The following RAD51B variants were observed in gnomAD, a reference collection of about 807,000 sequenced individuals.
RAD51B encodes the protein RAD51 paralog B.
RAD51B carries 38 observed loss-of-function variants against 42.2 expected under a neutral mutation model. That is an observed-to-expected ratio of 0.90 (90% CI 0.70 to 1.18). RAD51B has a LOEUF of 1.18. Ranked by LOEUF, RAD51B falls within the 50% of genes most tolerant of loss-of-function variation. RAD51B has a pLI of 0.00. For missense variants in RAD51B, 373 were observed against 400.7 expected (o/e 0.93, Z 0.59); for synonymous variants, 154 against 145.2 (o/e 1.06, Z -0.43).
intron 5 of RAD51B, among the ~76,000 whole-genome samples, chr14:67,874,345 G>A (rs541169172): frequency 2.6e-5 from 4 of 152,148 alleles, no homozygotes; most frequent in Admixed American, 1.3e-4. Flanking sequence ...CCCGTGGGCC[G>A]CATACAGCCC....
At chr14:68,458,011 G>C (rs971221693) in intron 9 of RAD51B, among the ~76,000 whole-genome samples, 9 of 150,216 alleles carry the variant, frequency 6.0e-5, no homozygotes, top group African/African-American at 2.2e-4. Flanking sequence ...TATTAAGCTT[G>C]TAGTTAACTA....
intron 10 of RAD51B, among the ~76,000 whole-genome samples, chr14:68,553,447 A>G (rs188430706): frequency 1.3e-5 from 2 of 152,292 alleles, no homozygotes; most frequent in Non-Finnish European, 2.9e-5. Flanking sequence ...GAAGAAGTTC[A>G]TATTTTTGAG....
intron 7 of RAD51B, among the ~76,000 whole-genome samples, chr14:68,134,943 TTA>T (rs1271766700): frequency 1.3e-5 from 2 of 152,202 alleles, no homozygotes; most frequent in Non-Finnish European, 2.9e-5. Flanking sequence ...GAAGATGATT[TTA>T]TGTTATTTTT....
chr14:68,331,090 G>A (rs1179346777), intron 8 of RAD51B, among the ~76,000 whole-genome samples: 5 of 152,048 alleles, frequency 3.3e-5, no homozygotes, highest in African/African-American at 4.8e-5. Context: ...CTGGCCGGGC[G>A]CGGTGGCTCA....
At chr14:68,662,140 C>T (rs561276477) in intron 11 of RAD51B, among the ~76,000 whole-genome samples, 12 of 152,342 alleles carry the variant, frequency 7.9e-5, no homozygotes, top group South Asian at 2.1e-4. Context: ...AGAAATACCT[C>T]CCTCATCTTC....
chr14:68,629,647 A>G (rs1892179484), intron 10 of RAD51B, among the ~76,000 whole-genome samples: 1 of 152,200 alleles, frequency 6.6e-6, no homozygotes, highest in Admixed American at 6.5e-5. Context: ...AAATAGCTTT[A>G]TCGTTTTGTG....
At chr14:68,530,377 G>A (rs919711680) in intron 10 of RAD51B, among the ~76,000 whole-genome samples, 6 of 140,260 alleles carry the variant, frequency 4.3e-5, no homozygotes, top group Non-Finnish European at 9.0e-5. Flanking sequence ...AGCCCAGAAG[G>A]TCAAGGCTAC....
intron 7 of RAD51B, among the ~76,000 whole-genome samples, chr14:67,995,640 G>C (rs534077072): frequency 6.7e-5 from 10 of 149,332 alleles, no homozygotes; most frequent in African/African-American, 2.2e-4. Context: ...TTGAGACGGA[G>C]TCTCTCTCTG....
intron 4 of RAD51B, among the ~76,000 whole-genome samples, chr14:67,846,184 C>T (rs532441192): frequency 1.1e-4 from 16 of 152,198 alleles, no homozygotes; most frequent in South Asian, 4.2e-4. Context: ...GTGGGTGCGG[C>T]GCTGCCAGCC....
chr14:68,516,148 G>A (rs890306850), intron 10 of RAD51B, among the ~76,000 whole-genome samples: 2 of 151,904 alleles, frequency 1.3e-5, no homozygotes, highest in African/African-American at 4.8e-5. Context: ...TAAGCCACTA[G>A]GTTTTAGGAT....
chr14:68,492,487 G>A (rs944823609), intron 10 of RAD51B, among the ~76,000 whole-genome samples: 1 of 152,188 alleles, frequency 6.6e-6, no homozygotes, highest in Non-Finnish European at 1.5e-5. Flanking sequence ...TAAAAGAAGG[G>A]CTGCTACAAC....
downstream of RAD51B, among the ~76,000 whole-genome samples, chr14:68,598,040 C>T (rs1891074918): frequency 6.6e-6 from 1 of 151,966 alleles, no homozygotes; most frequent in African/African-American, 2.4e-5. Context: ...GTCCTAGAGA[C>T]CCATGGCAGT....
intron 11 of RAD51B, among the ~76,000 whole-genome samples, chr14:68,670,030 A>G (rs1236902985): frequency 6.6e-6 from 1 of 152,202 alleles, no homozygotes; most frequent in Non-Finnish European, 1.5e-5. Context: ...AGACCAAAAT[A>G]GATCAGGAGC....
At chr14:68,014,265 C>T (rs1255944259) in intron 7 of RAD51B, among the ~76,000 whole-genome samples, 3 of 149,704 alleles carry the variant, frequency 2.0e-5, no homozygotes, top group Non-Finnish European at 4.4e-5. Context: ...TATTGTTGGA[C>T]ATGCAAGCCC....
intron 9 of RAD51B, among the ~76,000 whole-genome samples, chr14:68,449,857 C>A (rs2085511508): frequency 6.6e-6 from 1 of 152,072 alleles, no homozygotes; most frequent in Non-Finnish European, 1.5e-5. Context: ...CTAATTTATT[C>A]TTCCTCCTTG....
chr14:67,933,843 C>T (rs190915879), intron 7 of RAD51B, among the ~76,000 whole-genome samples: 1 of 152,312 alleles, frequency 6.6e-6, no homozygotes, highest in African/African-American at 2.4e-5. Flanking sequence ...GAATACATCT[C>T]TGCTGAGGAG....
intron 9 of RAD51B, among the ~76,000 whole-genome samples, chr14:68,452,303 A>G (rs2085577082): frequency 6.6e-6 from 1 of 152,164 alleles, no homozygotes; most frequent in South Asian, 2.1e-4. Flanking sequence ...GAAGTTACCA[A>G]ATTCAGATGA....
chr14:68,447,210 C>T (rs10130220), intron 9 of RAD51B, among the ~76,000 whole-genome samples: 1 of 151,990 alleles, frequency 6.6e-6, no homozygotes, highest in South Asian at 2.1e-4. Flanking sequence ...AAGAGTGAAA[C>T]TCCATCTCAA....
intron 10 of RAD51B, among the ~76,000 whole-genome samples, chr14:68,634,936 G>A (rs577526594): frequency 2.0e-5 from 3 of 152,252 alleles, no homozygotes; most frequent in South Asian, 2.1e-4. Context: ...ATCCATAAAC[G>A]AGGCTCTGGG....
Sources: gnomAD v4.1 joint callset for allele counts (sites outside exome capture counted in the v4.1 genomes callset) on GRCh38, gnomAD v4.1.1 for gene constraint, MANE v1.5 for transcripts, NCBI Gene and HGNC (gene_info 2026-07-23, HGNC 2026-07-21) for gene names.